Variants in CYB5R4 observed in about 807,000 individuals in gnomAD.
CYB5R4 encodes the protein N-terminal cytochrome b5 and cytochrome b5 oxidoreductase domain-containing protein.
Under a neutral mutation model 70.2 loss-of-function variants are expected in CYB5R4, and 55 were observed. That is an observed-to-expected ratio of 0.78 (90% CI 0.63 to 0.98). The LOEUF (loss-of-function observed/expected upper bound fraction) is 0.98. Ranked by LOEUF, CYB5R4 falls within the 50% of genes least tolerant of loss-of-function variation. CYB5R4 has a pLI of 0.00. For missense variants in CYB5R4, 562 were observed against 612.6 expected (o/e 0.92, Z 0.87); for synonymous variants, 197 against 199.5 (o/e 0.99, Z 0.11).
At chr6:83,946,942 A>T (rs2099470710) in intron 14 of CYB5R4, among the ~76,000 whole-genome samples, 1 of 152,208 alleles carries the variant, frequency 6.6e-6, no homozygotes, top group Admixed American at 6.5e-5. Context: ...TTCCATGCTG[A>T]TGGATAGGAA....
chr6:83,920,087 C>G lies in CYB5R4; in HGVS notation c.564+633C>G, dbSNP rs778554856. Among the ~76,000 whole-genome samples the G allele has an allele frequency of 2.0e-5, 3 of 152,090 alleles. 1 individual carries two copies. Among genetic ancestry groups the G allele is most frequent in the Non-Finnish European group, 4.4e-5 (3 of 68,020 alleles). On this transcript the variant is annotated intron_variant, in intron 7 of 15. Coordinates refer to ENST00000369681, the MANE Select transcript of CYB5R4 (RefSeq NM_016230.4). ...TCTAATAGGTCAGATACGTAGAGACCTGACTTTCAAAAGGCTTACAGTCCA... is the reference window on the plus strand; with the variant it reads ...TCTAATAGGTCAGATACGTAGAGACGTGACTTTCAAAAGGCTTACAGTCCA...
intron 15 of CYB5R4, among the ~76,000 whole-genome samples, chr6:83,958,913 GTTA>G (rs1037811270): frequency 2.6e-5 from 4 of 152,166 alleles, no homozygotes; most frequent in East Asian, 3.8e-4. Context: ...TAAAAAAGTA[GTTA>G]TTATACTATT....
At chr6:83,900,157 G>GT (rs2099462663) in intron 3 of CYB5R4, among the ~76,000 whole-genome samples, 2 of 152,148 alleles carry the variant, frequency 1.3e-5, no homozygotes, top group African/African-American at 4.8e-5. Flanking sequence ...AGAAATTCTG[G>GT]TATGTTGTGT....
intron 9 of CYB5R4, among the ~76,000 whole-genome samples, 166 bp from the exon 10 acceptor site, chr6:83,924,304 A>G (rs947493146): frequency 2.6e-5 from 4 of 152,156 alleles, no homozygotes; most frequent in South Asian, 2.1e-4. Context: ...AGGATAAACA[A>G]TTATGATTGT....
At chr6:83,914,224 C>T (rs2099465131) in intron 4 of CYB5R4, among the ~76,000 whole-genome samples, 192 bp from the exon 5 acceptor site, 1 of 152,098 alleles carries the variant, frequency 6.6e-6, no homozygotes, top group African/African-American at 2.4e-5. Context: ...TATGGTCTGG[C>T]AGTCTTCAGA....
chr6:83,915,523 G>A (rs898394209), intron 5 of CYB5R4, among the ~76,000 whole-genome samples: 12 of 152,166 alleles, frequency 7.9e-5, no homozygotes, highest in African/African-American at 2.4e-4. Flanking sequence ...ATTGATTACC[G>A]ATAGACTAGG....
chr6:83,924,627 T>C, intron 10 of CYB5R4, 35 bp downstream of exon 10: 2 of 1,598,642 alleles, frequency 1.3e-6, no homozygotes, highest in Non-Finnish European at 1.7e-6. Context: ...TAATTTCACA[T>C]TCATGAAATT....
intron 2 of CYB5R4, among the ~76,000 whole-genome samples, chr6:83,875,620 A>G (rs2099458403): frequency 6.6e-6 from 1 of 152,210 alleles, no homozygotes. Context: ...AAGTAGTGAA[A>G]GTACAGCTAC....
Position 83,903,766 on chromosome 6 carries a change from A to C in CYB5R4, c.331-5243A>C, listed in dbSNP as rs1030556244. ...ATGTTTTCTATTTCTTCCTGATTCA[A>C]TCTTGATAGGTTGTATGTTTCCAGG... On this transcript the variant is annotated intron_variant, in intron 3 of 15. Transcript: ENST00000369681. Among the ~76,000 whole-genome samples the C allele has an allele frequency of 2.6e-5, 4 of 151,900 alleles. No homozygotes were observed. In the East Asian group the frequency reaches 7.7e-4, roughly 29 times the overall value.
At chr6:83,882,447 A>C (rs2099459593) in intron 2 of CYB5R4, among the ~76,000 whole-genome samples, 1 of 152,216 alleles carries the variant, frequency 6.6e-6, no homozygotes. Flanking sequence ...AAGGGGAACC[A>C]GTTTGGAGTT....
At chr6:83,860,626 C>T (rs796488963) in intron 1 of CYB5R4, among the ~76,000 whole-genome samples, 6 of 152,260 alleles carry the variant, frequency 3.9e-5, no homozygotes, top group African/African-American at 1.4e-4. Flanking sequence ...GTAACCATAT[C>T]TTTATCTTTC....
rs890256936 is a variant in CYB5R4, at chr6:83,948,992, C to T, written c.1347-6306C>T. On this transcript the variant is annotated intron_variant, in intron 14 of 15. Transcript: ENST00000369681. ...TTCTCTTCTTGCTCTCCCTTGCTGG[C>T]TTGGGTGTGCTCTTTCTCTCTCCTC... Among the ~76,000 whole-genome samples the T allele has an allele frequency of 4.6e-5, 7 of 152,098 alleles. No homozygotes were observed. In the East Asian group the frequency reaches 1.4e-3, roughly 29 times the overall value.
intron 2 of CYB5R4, among the ~76,000 whole-genome samples, chr6:83,873,191 G>C (rs1026949328): frequency 1.3e-5 from 2 of 148,776 alleles, no homozygotes; most frequent in African/African-American, 2.5e-5. Context: ...AACTCTTCTC[G>C]TGTTAATTAA....
intron 3 of CYB5R4, among the ~76,000 whole-genome samples, chr6:83,894,353 C>A (rs2099461552): frequency 6.6e-6 from 1 of 151,930 alleles, no homozygotes; most frequent in African/African-American, 2.4e-5. Context: ...TGATGATTAA[C>A]CATGTTGTAA....
chr6:83,897,518 TAA>T (rs1284451942), intron 3 of CYB5R4, among the ~76,000 whole-genome samples: 4 of 152,216 alleles, frequency 2.6e-5, no homozygotes, highest in Non-Finnish European at 4.4e-5. Context: ...TCACTAACAG[TAA>T]AAGTGTTCCT....
At chr6:83,867,752 C>G (rs563940266) in intron 2 of CYB5R4, among the ~76,000 whole-genome samples, 2 of 152,190 alleles carry the variant, frequency 1.3e-5, no homozygotes, top group Non-Finnish European at 1.5e-5. Context: ...CATGACTCAG[C>G]GGGTTTGGAG....
chr6:83,876,584 A>G (rs932472016), intron 2 of CYB5R4, among the ~76,000 whole-genome samples: 7 of 151,452 alleles, frequency 4.6e-5, no homozygotes, highest in Non-Finnish European at 8.8e-5. Context: ...ACTATTTCAC[A>G]TATAGTATAA....
At chr6:83,956,108 ATTT>A (rs2099472390) in intron 15 of CYB5R4, among the ~76,000 whole-genome samples, 1 of 152,164 alleles carries the variant, frequency 6.6e-6, no homozygotes, top group African/African-American at 2.4e-5. Context: ...CCCTATTCTT[ATTT>A]AGTAGGTGAC....
At chr6:83,944,503 G>C (rs1405474160) in intron 14 of CYB5R4, among the ~76,000 whole-genome samples, 1 of 152,130 alleles carries the variant, frequency 6.6e-6, no homozygotes, top group African/African-American at 2.4e-5. Context: ...AAAGACCATT[G>C]AAACTATGAA....
Sources: allele counts gnomAD v4.1 joint callset (sites outside exome capture counted in the v4.1 genomes callset), GRCh38; gene constraint gnomAD v4.1.1; transcripts MANE v1.5; gene names NCBI Gene and HGNC (gene_info 2026-07-23, HGNC 2026-07-21).